Variants in UTS2 observed in about 807,000 individuals in gnomAD.
The protein encoded by UTS2 is urotensin 2, also known as urotensin-2.
Under a neutral mutation model 12.6 loss-of-function variants are expected in UTS2, and 10 were observed. The observed-to-expected ratio is 0.80, with a 90% CI of 0.49 to 1.35. UTS2 has a LOEUF of 1.35. Ranked by LOEUF, UTS2 falls within the 40% of genes most tolerant of loss-of-function variation. The pLI is 0.00. For synonymous variants in UTS2, 52 were observed against 50.0 expected (o/e 1.04, Z -0.17); for missense variants, 142 against 143.2 (o/e 0.99, Z 0.04).
At chr1:7,909,154 C>A in the UTS2 span, among the ~76,000 whole-genome samples, 1 of 152,116 alleles carries the variant, frequency 6.6e-6, no homozygotes, top group Non-Finnish European at 1.5e-5. Flanking sequence ...CCCACCAGGT[C>A]CCTCCCAGGA....
the UTS2 span, among the ~76,000 whole-genome samples, chr1:7,869,456 G>A: frequency 3.3e-5 from 5 of 152,376 alleles, no homozygotes; most frequent in Admixed American, 3.3e-4. Context: ...TGCATTCTTA[G>A]TGATGAGAGT....
the UTS2 span, among the ~76,000 whole-genome samples, chr1:7,878,890 G>T: frequency 6.6e-6 from 1 of 152,160 alleles, no homozygotes; most frequent in South Asian, 2.1e-4. Flanking sequence ...AACAGATTTT[G>T]AGTCTAAAAG....
At chr1:7,892,686 C>T in the UTS2 span, among the ~76,000 whole-genome samples, 1 of 151,760 alleles carries the variant, frequency 6.6e-6, no homozygotes, top group Non-Finnish European at 1.5e-5. Context: ...GGGATATTGC[C>T]ATGTTGCCCA....
chr1:7,890,040 G>A, the UTS2 span, among the ~76,000 whole-genome samples: 1 of 150,172 alleles, frequency 6.7e-6, no homozygotes, highest in African/African-American at 2.5e-5. Flanking sequence ...GCACTCCAGC[G>A]TAGACGACAG....
the UTS2 span, among the ~76,000 whole-genome samples, chr1:7,887,777 A>G: frequency 6.9e-6 from 1 of 145,890 alleles, no homozygotes; most frequent in East Asian, 1.9e-4. Context: ...AAAAAAAAAA[A>G]AGATTAAATC....
At chr1:7,893,662 G>A in the UTS2 span, among the ~76,000 whole-genome samples, 4 of 152,126 alleles carry the variant, frequency 2.6e-5, no homozygotes, top group African/African-American at 9.7e-5. Flanking sequence ...GCTGAATATT[G>A]ACTGGCCTGG....
At chr1:7,859,854 C>T in the UTS2 span, among the ~76,000 whole-genome samples, 1 of 152,070 alleles carries the variant, frequency 6.6e-6, no homozygotes, top group Non-Finnish European at 1.5e-5. Context: ...GAAAAATTAG[C>T]CAGGCATGGT....
At chr1:7,890,967 A>ACCCCCCC in the UTS2 span, among the ~76,000 whole-genome samples, 4 of 135,784 alleles carry the variant, frequency 2.9e-5, 1 homozygote, top group Non-Finnish European at 6.5e-5. Context: ...GATACCCTCC[A>ACCCCCCC]CCCCCCCCCA....
upstream of UTS2, among the ~76,000 whole-genome samples, chr1:7,857,100 A>AAAGGAAGG (rs754358229): frequency 2.6e-3 from 164 of 64,238 alleles, 6 homozygotes; most frequent in Middle Eastern, 0.019. Flanking sequence ...GGAAGGAAGA[A>AAAGGAAGG]AAGGAATGAA....
At chr1:7,885,602 C>A in the UTS2 span, among the ~76,000 whole-genome samples, 1 of 151,786 alleles carries the variant, frequency 6.6e-6, no homozygotes, top group Non-Finnish European at 1.5e-5. Flanking sequence ...GGGAGGGGAG[C>A]GAGGTGAGGA....
At chr1:7,900,712 T>C in the UTS2 span, among the ~76,000 whole-genome samples, 1 of 151,960 alleles carries the variant, frequency 6.6e-6, no homozygotes, top group Non-Finnish European at 1.5e-5. Context: ...ACCAGGGAAG[T>C]GGAGGTTGCA....
chr1:7,876,323 G>A, the UTS2 span, among the ~76,000 whole-genome samples: 4 of 152,278 alleles, frequency 2.6e-5, no homozygotes, highest in South Asian at 4.1e-4. Flanking sequence ...ATCAGGGGCC[G>A]AGGAATTGAC....
intron 3 of UTS2, among the ~76,000 whole-genome samples, chr1:7,848,498 A>G (rs2097410185): frequency 7.3e-6 from 1 of 137,836 alleles, no homozygotes; most frequent in Admixed American, 8.1e-5. Context: ...TGTGTATTGT[A>G]TGTATTGTGT....
the UTS2 span, among the ~76,000 whole-genome samples, chr1:7,866,544 T>C: frequency 1.3e-5 from 2 of 152,110 alleles, no homozygotes; most frequent in Non-Finnish European, 2.9e-5. The surrounding 1 kb of genome is among the most constrained non-coding windows in gnomAD (Gnocchi z 4.5). Context: ...GGCCCTGCAC[T>C]TTCTCCTCTG....
chr1:7,871,089 C>T, the UTS2 span, among the ~76,000 whole-genome samples: 1 of 152,260 alleles, frequency 6.6e-6, no homozygotes, highest in Non-Finnish European at 1.5e-5. Context: ...AAGCAGCCAT[C>T]ACTGACATCA....
chr1:7,861,645 G>A, the UTS2 span, among the ~76,000 whole-genome samples: 1 of 152,284 alleles, frequency 6.6e-6, no homozygotes, highest in Non-Finnish European at 1.5e-5. Flanking sequence ...GCTAGTGAGT[G>A]GCAGAGCCGA....
the UTS2 span, among the ~76,000 whole-genome samples, chr1:7,880,876 G>A: frequency 6.6e-6 from 1 of 152,152 alleles, no homozygotes; most frequent in Non-Finnish European, 1.5e-5. Context: ...TATTCCTGAT[G>A]AACATAGACA....
At chr1:7,893,428 G>A in the UTS2 span, among the ~76,000 whole-genome samples, 1 of 152,078 alleles carries the variant, frequency 6.6e-6, no homozygotes, top group South Asian at 2.1e-4. Context: ...TTGATCCCAC[G>A]TTGCAGTGAA....
chr1:7,850,951 T>C (rs1009479997), intron 1 of UTS2, 29 bp from the exon 2 acceptor site: 1 of 1,608,876 alleles, frequency 6.2e-7, no homozygotes, highest in Non-Finnish European at 8.5e-7. Flanking sequence ...TACTTAGAAT[T>C]GGGTTCATCC....
Sources: gnomAD v4.1 joint callset for allele counts (sites outside exome capture counted in the v4.1 genomes callset) on GRCh38, gnomAD v4.1.1 for gene constraint, Gnocchi (gnomAD v3.1) non-coding constraint, MANE v1.5 for transcripts, NCBI Gene and HGNC (gene_info 2026-07-23, HGNC 2026-07-21) for gene names.